BTNL9: variants seen among roughly 807,000 people sequenced by gnomAD.
BTNL9 encodes butyrophilin-like protein 9.
Under a neutral mutation model 45.8 loss-of-function variants are expected in BTNL9, and 45 were observed. That is an observed-to-expected ratio of 0.98 (90% CI 0.77 to 1.26). The LOEUF (loss-of-function observed/expected upper bound fraction) is 1.26, where lower values mean the gene tolerates loss of function less well. Ranked by LOEUF, BTNL9 falls within the 50% of genes most tolerant of loss-of-function variation. BTNL9 has a pLI of 0.00. For synonymous variants in BTNL9, 346 were observed against 330.8 expected (o/e 1.05, Z -0.50); for missense variants, 784 against 729.7 (o/e 1.07, Z -0.86).
Position 181,056,084 on chromosome 5 carries a change from A to C in BTNL9, c.955+69A>C, listed in dbSNP as rs908001583. 4 of 1,556,698 alleles carry C rather than the reference A, an allele frequency of 2.6e-6. No individual in the cohort carries two copies. In the African/African-American group the frequency reaches 5.4e-5, roughly 21 times the overall value. On this transcript the variant is annotated intron_variant, in intron 9 of 10. Coordinates refer to ENST00000327705, the MANE Select transcript of BTNL9 (RefSeq NM_152547.5). ...TGAGCACCCCAGTCCAACTCACCTGATTAACCAATCAGGCTTCATTCTGGT... is the reference window on the plus strand; with the variant it reads ...TGAGCACCCCAGTCCAACTCACCTGCTTAACCAATCAGGCTTCATTCTGGT...
In BTNL9 at chr5:181,050,253, AC is replaced by A. The variant is rs367635312; in HGVS notation, c.622del (p.Leu208CysfsTer27). 15,497 of 1,614,130 alleles carry A rather than the reference AC, an allele frequency of 9.6e-3. 130 individuals are homozygous for A. Among genetic ancestry groups the A allele is most frequent in the Non-Finnish European group, 0.012 (13,817 of 1,180,036 alleles). ...GAAGCCATCGTCTGGGATGCCCAGGACCTGTTCAGTCTGGAAACATCTGTGG... is the reference window on the plus strand; with the variant it reads ...GAAGCCATCGTCTGGGATGCCCAGGACTGTTCAGTCTGGAAACATCTGTGG... ...EFEAIVWDAQ[D>X]LFSLETSVVV... On this transcript the variant is annotated frameshift_variant, in exon 4 of 11. Coordinates refer to ENST00000327705, the MANE Select transcript of BTNL9 (RefSeq NM_152547.5). LOFTEE classifies it high-confidence loss of function. This position sits in a 1 kb window ranked among gnomAD's most constrained non-coding sequence, Gnocchi z 4.9.
At chr5:181,048,575 G>A (rs1210281392) in intron 3 of BTNL9, among the ~76,000 whole-genome samples, 1 of 151,296 alleles carries the variant, frequency 6.6e-6, no homozygotes, top group Admixed American at 6.6e-5. Flanking sequence ...GGCAACATAG[G>A]GAGACCCCAT....
In BTNL9 at chr5:181,050,037, G is replaced by C. The variant is rs368144915; in HGVS notation, c.455-51G>C. On this transcript the variant is annotated intron_variant, in intron 3 of 10. Transcript: ENST00000327705. This position sits in a 1 kb window ranked among gnomAD's most constrained non-coding sequence, Gnocchi z 4.9. ...CTGAACAGTGGCAGGAATGTTATGCGTGATTTCTCAGAAGAAGCCTGACCT... is the reference window on the plus strand; with the variant it reads ...CTGAACAGTGGCAGGAATGTTATGCCTGATTTCTCAGAAGAAGCCTGACCT... 6.1e-5 allele frequency: 96 copies of C among 1,572,282 alleles called. No individual in the cohort carries two copies. The highest frequency in any genetic ancestry group is 7.7e-5 in the Non-Finnish European group (89 of 1,157,910).
intron 1 of BTNL9, among the ~76,000 whole-genome samples, chr5:181,041,282 G>C (rs796563522): frequency 3.9e-5 from 6 of 152,336 alleles, no homozygotes; most frequent in African/African-American, 1.4e-4. Context: ...ACACTGCCAG[G>C]TTCGGAGATG....
chr5:181,045,872 C>A (rs1252691084), intron 2 of BTNL9, among the ~76,000 whole-genome samples: 1 of 98,670 alleles, frequency 1.0e-5, no homozygotes, highest in African/African-American at 4.2e-5. Context: ...AGTGTTCCTC[C>A]ACCATCTCCC....
intron 3 of BTNL9, among the ~76,000 whole-genome samples, chr5:181,048,790 A>ATAGTTATATATTATATAATTATAT (rs749242985): frequency 9.8e-5 from 10 of 102,090 alleles, no homozygotes; most frequent in South Asian, 7.2e-4. Context: ...TATTAATTAT[A>ATAGTTATATATTATATAATTATAT]TAGTTATATA....
intron 4 of BTNL9, among the ~76,000 whole-genome samples, chr5:181,051,209 A>G (rs1761523118): frequency 6.6e-6 from 1 of 152,156 alleles, no homozygotes; most frequent in Non-Finnish European, 1.5e-5. Flanking sequence ...GCGTGTAGGC[A>G]GTGAGCTGAA....
At chr5:181,058,515 C>G (rs1213762661) in intron 10 of BTNL9, 137 bp downstream of exon 10, 2 of 1,180,974 alleles carry the variant, frequency 1.7e-6, no homozygotes, top group Non-Finnish European at 2.5e-6. Context: ...GACACACACG[C>G]ACACTTGCAA....
chr5:181,052,441 G>A (rs181552976), intron 4 of BTNL9, among the ~76,000 whole-genome samples: 1 of 152,170 alleles, frequency 6.6e-6, no homozygotes, highest in Non-Finnish European at 1.5e-5. Flanking sequence ...TAATGCCCCT[G>A]AACTGTACAC....
At chr5:181,046,635 A>G (rs763716386) in intron 2 of BTNL9, among the ~76,000 whole-genome samples, 1 of 152,068 alleles carries the variant, frequency 6.6e-6, no homozygotes, top group Non-Finnish European at 1.5e-5. Flanking sequence ...GATGTGGCAT[A>G]AATGGCTGTC....
At position 181,059,239 on chromosome 5, in the gene BTNL9, G is replaced by A; in HGVS notation, c.985G>A (p.Asp329Asn). Residue 329 changes from aspartate to asparagine, a missense_variant and splice_region_variant, in exon 11 of 11, where the codon GAT becomes AAT. By Grantham distance (23) the Asp-to-Asn change is conservative (BLOSUM62 1). Coordinates refer to ENST00000327705, the MANE Select transcript of BTNL9 (RefSeq NM_152547.5). Reference sequence around the variant, plus strand: ...ACTAACGCTGTGGCTCTGCGCAGTGGATGTGACGCTGGACCCGGCCTCGGC... The same window carrying A: ...ACTAACGCTGTGGCTCTGCGCAGTGAATGTGACGCTGGACCCGGCCTCGGC... ...EWRAAQKYAV[D>N]VTLDPASAHP... 2.6e-6 allele frequency: 4 copies of A among 1,554,350 alleles called. No individual in the cohort carries two copies. The highest frequency in any genetic ancestry group is 3.4e-6 in the Non-Finnish European group (4 of 1,159,948).
In BTNL9 at chr5:181,045,485, G is replaced by C; in HGVS notation, c.-5G>C. 1.3e-6 allele frequency: 2 copies of C among 1,595,638 alleles called. No homozygotes were observed. On this transcript the variant is annotated 5_prime_UTR_variant, in exon 2 of 11. Transcript: ENST00000327705. Reference sequence around the variant, plus strand: ...TCTCCAGGTGGCCCCCACTGCTGACGAGAGATGGTGGACCTCTCAGTCTCC... The same window carrying C: ...TCTCCAGGTGGCCCCCACTGCTGACCAGAGATGGTGGACCTCTCAGTCTCC...
intron 1 of BTNL9, chr5:181,043,368 C>T (rs910669550): frequency 2.6e-5 from 4 of 152,184 alleles, no homozygotes; most frequent in Non-Finnish European, 5.9e-5. Context: ...TGTATCACAA[C>T]AGAGAACTGA....
rs558303462 is a variant in BTNL9, at chr5:181,053,235, G to C, written c.772G>C (p.Ala258Pro). The C allele has an allele frequency of 1.6e-5, 26 of 1,589,182 alleles. No individual in the cohort carries two copies. The East Asian group carries it at 5.7e-4, about 35-fold the overall frequency. ...FVPGASAWKS[A>P]FVATLPLLLV... ...ACCCGGAGCCTCTGCGTGGAAGAGC[G>C]CGTTCGTCGCGACCCTGCCGCTGCT... is the stretch of plus-strand genomic sequence containing the variant. Residue 258 changes from alanine to proline, a missense_variant, in exon 5 of 11, where the codon GCG becomes CCG. By Grantham distance (27) the Ala-to-Pro change is conservative (BLOSUM62 -1). Coordinates refer to ENST00000327705, the MANE Select transcript of BTNL9 (RefSeq NM_152547.5). The surrounding 1 kb of genome is among the most constrained non-coding windows in gnomAD (Gnocchi z 6.5).
intron 3 of BTNL9, 136 bp from the exon 4 acceptor site, chr5:181,049,952 A>G: frequency 8.6e-7 from 1 of 1,157,620 alleles, no homozygotes; most frequent in Non-Finnish European, 1.2e-6. Context: ...GGGGAGCGCC[A>G]AGCCCACACA....
At chr5:181,048,788 ATATAGTTATATATTATATAATTATAT>A (rs1336031871) in intron 3 of BTNL9, among the ~76,000 whole-genome samples, 2 of 19,418 alleles carry the variant, frequency 1.0e-4, no homozygotes, top group Non-Finnish European at 2.7e-4. Flanking sequence ...TATATTAATT[ATATAGTTATATATTATATAATTATAT>A]TAGTTATATA....
At chr5:181,052,351 C>T (rs984340347) in intron 4 of BTNL9, among the ~76,000 whole-genome samples, 2 of 152,078 alleles carry the variant, frequency 1.3e-5, no homozygotes, top group African/African-American at 4.8e-5. Flanking sequence ...TTAATAAGTA[C>T]AGAGTTTCAG....
intron 10 of BTNL9, 172 bp from the exon 11 acceptor site, chr5:181,059,065 A>C (rs1348184373): frequency 1.6e-5 from 11 of 707,444 alleles, no homozygotes; most frequent in Non-Finnish European, 1.9e-5. Context: ...GGAGTGACTG[A>C]CACATGCCAC....
Position 181,053,182 on chromosome 5 carries a change from C to T in BTNL9, c.737-18C>T, listed in dbSNP as rs773291652. 3.2e-6 allele frequency: 5 copies of T among 1,567,906 alleles called. No homozygotes were observed. Among genetic ancestry groups the T allele is most frequent in the Admixed American group, 1.8e-5 (1 of 56,396 alleles). Reference sequence around the variant, plus strand: ...CAGCGGCGCCTGGACCGACACGGCCCCCGCGGGTGTTTTCCAGACGTGTTC... The same window carrying T: ...CAGCGGCGCCTGGACCGACACGGCCTCCGCGGGTGTTTTCCAGACGTGTTC... On this transcript the variant is annotated intron_variant, in intron 4 of 10. Transcript: ENST00000327705. This position sits in a 1 kb window ranked among gnomAD's most constrained non-coding sequence, Gnocchi z 6.5.
Sources: allele counts gnomAD v4.1 joint callset (sites outside exome capture counted in the v4.1 genomes callset), GRCh38; gene constraint gnomAD v4.1.1; non-coding constraint Gnocchi (gnomAD v3.1); transcripts MANE v1.5; gene names NCBI Gene and HGNC (gene_info 2026-07-23, HGNC 2026-07-21).